YAP1: variants seen among roughly 807,000 people sequenced by gnomAD.
YAP1 encodes transcriptional coactivator YAP1.
In YAP1, 5 loss-of-function variants were observed where a neutral mutation model predicts 56.9. The ratio of observed to expected loss-of-function variants is 0.09; its 90% CI spans 0.05 to 0.18. YAP1 has a LOEUF of 0.18. YAP1 is among the 10% of genes least tolerant of loss of function. The probability of loss-of-function intolerance (pLI) is 1.00; values close to 1 mark genes in which losing one functional copy is unlikely to be tolerated. For missense variants in YAP1, 539 were observed against 651.8 expected (o/e 0.83, Z 1.88); for synonymous variants, 265 against 248.1 (o/e 1.07, Z -0.64).
chr11:102,113,663 T>C (rs1943104495), intron 1 of YAP1, among the ~76,000 whole-genome samples: 1 of 152,204 alleles, frequency 6.6e-6, no homozygotes, highest in Admixed American at 6.5e-5. Flanking sequence ...ATGGTTGGAA[T>C]AAATGACGAG....
chr11:102,119,101 G>T (rs1208901362), intron 2 of YAP1, among the ~76,000 whole-genome samples: 1 of 151,754 alleles, frequency 6.6e-6, no homozygotes, highest in Non-Finnish European at 1.5e-5. Flanking sequence ...TTGAGGCTGA[G>T]TGGAGAGAGA....
At chr11:102,226,064 C>T (rs1261940457) in intron 7 of YAP1, among the ~76,000 whole-genome samples, 3 of 152,160 alleles carry the variant, frequency 2.0e-5, no homozygotes, top group Admixed American at 6.6e-5. Flanking sequence ...TTCAGTTATT[C>T]AGTAATAGAC....
rs1384326826 is a variant in YAP1, at chr11:102,137,765, TA to T, written c.572+23374del. ...GTCATTGACTTTTTTTTTTTTTTTT[TA>T]AAGTCATGGAGTTCCTTTTCTCAAT... On this transcript the variant is annotated intron_variant, in intron 2 of 8. Transcript: ENST00000282441. Among the ~76,000 whole-genome samples, 248 of 140,500 alleles carry T rather than the reference TA, an allele frequency of 1.8e-3. 1 individual carries two copies. Among genetic ancestry groups the T allele is most frequent in the African/African-American group, 5.8e-3 (226 of 39,116 alleles). 92.2% of individuals were successfully genotyped at this position (140,500 alleles called of 152,430 possible).
At chr11:102,210,171 A>G (rs1028676259) in intron 6 of YAP1, among the ~76,000 whole-genome samples, 4 of 152,264 alleles carry the variant, frequency 2.6e-5, no homozygotes, top group Admixed American at 1.3e-4. Flanking sequence ...ATTGTGGCCA[A>G]TTTTTCTTCT....
At chr11:102,144,881 C>A (rs1016736426) in intron 2 of YAP1, among the ~76,000 whole-genome samples, 1 of 151,304 alleles carries the variant, frequency 6.6e-6, no homozygotes, top group African/African-American at 2.4e-5. Flanking sequence ...CACACACATA[C>A]ACACACTCAT....
intron 3 of YAP1, among the ~76,000 whole-genome samples, chr11:102,173,823 A>G (rs1057293588): frequency 6.6e-6 from 1 of 152,230 alleles, no homozygotes; most frequent in African/African-American, 2.4e-5. Flanking sequence ...TTTATAATGT[A>G]TCAAAGATTT....
At chr11:102,136,724 T>C (rs544742461) in intron 2 of YAP1, among the ~76,000 whole-genome samples, 3 of 152,248 alleles carry the variant, frequency 2.0e-5, no homozygotes, top group Non-Finnish European at 4.4e-5. Context: ...TATATATGAG[T>C]GTAGGAGTTT....
intron 2 of YAP1, among the ~76,000 whole-genome samples, chr11:102,128,905 C>CCT (rs1340160018): frequency 7.9e-5 from 12 of 151,808 alleles, no homozygotes; most frequent in African/African-American, 2.7e-4. Context: ...TAATTATTGG[C>CCT]CTCTCTCTCT....
chr11:102,169,568 T>A (rs1028205860), intron 3 of YAP1, among the ~76,000 whole-genome samples: 1 of 152,246 alleles, frequency 6.6e-6, no homozygotes, highest in Admixed American at 6.5e-5. Flanking sequence ...GAAGAGATAG[T>A]GTATTTGACT....
At chr11:102,189,163 A>T (rs1948144184) in intron 4 of YAP1, among the ~76,000 whole-genome samples, 1 of 152,076 alleles carries the variant, frequency 6.6e-6, no homozygotes, top group African/African-American at 2.4e-5. Flanking sequence ...AAATTATTTC[A>T]TATAAACACA....
intron 2 of YAP1, among the ~76,000 whole-genome samples, chr11:102,156,674 T>C (rs1363685755): frequency 6.6e-6 from 1 of 152,212 alleles, no homozygotes; most frequent in Non-Finnish European, 1.5e-5. Flanking sequence ...TTTTGAACTT[T>C]TGGGAGGAAT....
chr11:102,184,572 T>C (rs1409672178), intron 3 of YAP1, among the ~76,000 whole-genome samples: 1 of 152,162 alleles, frequency 6.6e-6, no homozygotes, highest in South Asian at 2.1e-4. Context: ...CCCATCAAAG[T>C]AGACCTTTGA....
intron 3 of YAP1, among the ~76,000 whole-genome samples, chr11:102,172,401 TC>T (rs1946960484): frequency 6.9e-6 from 1 of 144,464 alleles, no homozygotes; most frequent in Non-Finnish European, 1.5e-5. Context: ...AGCTTCAACT[TC>T]ACGGGCTCAA....
chr11:102,187,947 C>G (rs1412188071), intron 4 of YAP1, among the ~76,000 whole-genome samples: 2 of 152,140 alleles, frequency 1.3e-5, no homozygotes, highest in African/African-American at 4.8e-5. Context: ...GACAATATGC[C>G]AGAGCTTTTT....
At chr11:102,195,866 A>G (rs1267019563) in intron 4 of YAP1, among the ~76,000 whole-genome samples, 1 of 152,214 alleles carries the variant, frequency 6.6e-6, no homozygotes, top group African/African-American at 2.4e-5. Flanking sequence ...TGGGGAAAGA[A>G]GTGCAGAGTG....
chr11:102,146,358 ACTCCTCT>A (rs1377397373), intron 2 of YAP1, among the ~76,000 whole-genome samples: 1 of 150,680 alleles, frequency 6.6e-6, no homozygotes, highest in Non-Finnish European at 1.5e-5. Context: ...TCTCCTCCTC[ACTCCTCT>A]CTCCTGCCTG....
intron 2 of YAP1, among the ~76,000 whole-genome samples, chr11:102,137,491 A>T (rs1169517981): frequency 1.3e-5 from 2 of 152,228 alleles, no homozygotes; most frequent in Non-Finnish European, 2.9e-5. Context: ...TGATGGGTAT[A>T]TGAATGTTCG....
At chr11:102,217,755 A>G (rs1441176135) in intron 6 of YAP1, among the ~76,000 whole-genome samples, 3 of 151,928 alleles carry the variant, frequency 2.0e-5, no homozygotes, top group Non-Finnish European at 4.4e-5. Context: ...CAATGGCGCA[A>G]TCTCAGCTAC....
In YAP1 at chr11:102,110,714, G is replaced by A; in HGVS notation, c.-135G>A. 1 of 752,760 alleles carries A rather than the reference G, an allele frequency of 1.3e-6. No individual in the cohort carries two copies. The highest frequency in any genetic ancestry group is 1.7e-6 in the Non-Finnish European group (1 of 572,144). 46.6% of individuals were successfully genotyped at this position (752,760 alleles called of 1,614,324 possible). ...TGCGGGGCCGCGGCGCAGCCCCCCG[G>A]CCCTGAGAGCGAGGACAGCGCCGCC... On this transcript the variant is annotated 5_prime_UTR_variant, in exon 1 of 9. Transcript: ENST00000282441.
Sources: gnomAD v4.1 joint callset for allele counts (sites outside exome capture counted in the v4.1 genomes callset) on GRCh38, gnomAD v4.1.1 for gene constraint, MANE v1.5 for transcripts, NCBI Gene and HGNC (gene_info 2026-07-23, HGNC 2026-07-21) for gene names.